Variants in FNBP4 observed in about 807,000 individuals in gnomAD.
The protein encoded by FNBP4 is formin-binding protein 4.
FNBP4 carries 34 observed loss-of-function variants against 119.3 expected under a neutral mutation model. The ratio of observed to expected loss-of-function variants is 0.28; its 90% CI spans 0.22 to 0.38. FNBP4 has a LOEUF of 0.38. FNBP4 is among the 10% of genes least tolerant of loss of function. The probability of loss-of-function intolerance (pLI) is 1.00; values close to 1 mark genes in which losing one functional copy is unlikely to be tolerated. For missense variants in FNBP4, 1,112 were observed against 1,228.9 expected (o/e 0.90, Z 1.42); for synonymous variants, 462 against 430.6 (o/e 1.07, Z -0.90).
chr11:47,729,151 C>G (rs2097564626), intron 12 of FNBP4: 1 of 985,016 alleles, frequency 1.0e-6, no homozygotes, highest in South Asian at 4.7e-5. Context: ...TGCACCCGGC[C>G]TAGGCATCTT....
At chr11:47,739,584 CACAGTATTATTT>C (rs1347670768) in intron 8 of FNBP4, among the ~76,000 whole-genome samples, 3 of 152,206 alleles carry the variant, frequency 2.0e-5, no homozygotes, top group Admixed American at 6.5e-5. Context: ...AGGATGTTAC[CACAGTATTATTT>C]ATTGTGAAAC....
chr11:47,745,727 G>C (rs889204150), intron 7 of FNBP4, among the ~76,000 whole-genome samples: 1 of 152,034 alleles, frequency 6.6e-6, no homozygotes, highest in Non-Finnish European at 1.5e-5. Context: ...TAGTCCTACC[G>C]ATATGTGATG....
Position 47,746,334 on chromosome 11 carries a change from C to G in FNBP4, c.967G>C (p.Ala323Pro), listed in dbSNP as rs976653535. Residue 323 changes from alanine to proline, a missense_variant, in exon 7 of 17, where the codon GCA becomes CCA. Ala to Pro is a conservative substitution (Grantham distance 27, BLOSUM62 -1). Around this residue, in one of 2 missense-constraint regions of FNBP4, gnomAD observed 826 missense variants for 988.8 expected, o/e 0.84. Coordinates refer to ENST00000263773, the MANE Select transcript of FNBP4 (RefSeq NM_015308.5). ...GGCAATAAAGGAGCAAGCAGCGATG[C>G]TGCCACCCCTTTCTTCTCCTCCTCA... ...NSEEEKKGVA[A>P]SLLAPLLPEG... is the part of the protein sequence containing the mutation. 1 of 1,613,810 alleles carries G rather than the reference C, an allele frequency of 6.2e-7. No homozygotes were observed. Among genetic ancestry groups the G allele is most frequent in the Admixed American group, 1.7e-5 (1 of 59,952 alleles).
chr11:47,747,289 C>CT (rs1182894194), intron 6 of FNBP4, among the ~76,000 whole-genome samples: 2 of 152,206 alleles, frequency 1.3e-5, no homozygotes, highest in African/African-American at 4.8e-5. Context: ...ACTGCAACGT[C>CT]TGCCTCCCGG....
At chr11:47,739,270 C>G (rs1399276908) in intron 8 of FNBP4, among the ~76,000 whole-genome samples, 1 of 152,058 alleles carries the variant, frequency 6.6e-6, no homozygotes, top group Non-Finnish European at 1.5e-5. Context: ...AATATAATAG[C>G]CTGGCTCTCC....
chr11:47,736,880 C>A, intron 8 of FNBP4, 140 bp from the exon 9 acceptor site: 1 of 819,578 alleles, frequency 1.2e-6, no homozygotes, highest in Admixed American at 2.9e-5. Flanking sequence ...TAAAACTCTT[C>A]AAACATGTCA....
At chr11:47,749,778 C>A (rs2097598223) in intron 6 of FNBP4, among the ~76,000 whole-genome samples, 1 of 152,132 alleles carries the variant, frequency 6.6e-6, no homozygotes, top group African/African-American at 2.4e-5. Flanking sequence ...GAAATGCTCA[C>A]TGGAGCATCT....
intron 8 of FNBP4, among the ~76,000 whole-genome samples, chr11:47,741,917 C>G (rs2097582681): frequency 6.6e-6 from 1 of 152,000 alleles, no homozygotes; most frequent in Admixed American, 6.6e-5. Flanking sequence ...ACAAATGCAG[C>G]AATTTTTTTT....
At chr11:47,724,237 CCTT>C (rs1464685024) in intron 13 of FNBP4, 65 bp from the exon 14 acceptor site, 116 of 1,581,132 alleles carry the variant, frequency 7.3e-5, no homozygotes, top group Middle Eastern at 1.7e-4. Context: ...GCTCCCACCT[CCTT>C]TTTTTGAGAC....
At chr11:47,733,183 A>T (rs1357969331) in intron 10 of FNBP4, among the ~76,000 whole-genome samples, 2 of 152,212 alleles carry the variant, frequency 1.3e-5, no homozygotes, top group African/African-American at 4.8e-5. Context: ...ATATTTTAAC[A>T]CTACCAACTC....
At chr11:47,761,901 T>C (rs1480582309) in intron 2 of FNBP4, among the ~76,000 whole-genome samples, 1 of 151,976 alleles carries the variant, frequency 6.6e-6, no homozygotes, top group Non-Finnish European at 1.5e-5. Context: ...TGCAATGGCG[T>C]GATCTTGGCT....
intron 8 of FNBP4, 132 bp from the exon 9 acceptor site, chr11:47,736,872 A>G (rs1440860061): frequency 1.1e-5 from 9 of 849,882 alleles, no homozygotes; most frequent in African/African-American, 3.5e-5. Context: ...TTACTTGTTA[A>G]AACTCTTCAA....
At chr11:47,749,835 C>T (rs139361523) in intron 6 of FNBP4, among the ~76,000 whole-genome samples, 289 of 152,214 alleles carry the variant, frequency 1.9e-3, no homozygotes, top group South Asian at 4.4e-3. Context: ...CTAAGTATAA[C>T]GCAAATATTT....
intron 8 of FNBP4, among the ~76,000 whole-genome samples, chr11:47,740,484 G>C (rs1348444689): frequency 2.0e-5 from 3 of 151,346 alleles, no homozygotes; most frequent in Non-Finnish European, 4.4e-5. Context: ...GTCTTCCCAG[G>C]TTTCTCTGCC....
At chr11:47,717,558 C>A (rs1465222279) in intron 16 of FNBP4, 46 bp from the exon 17 acceptor site, 1 of 1,311,264 alleles carries the variant, frequency 7.6e-7, no homozygotes, top group East Asian at 2.3e-5. Flanking sequence ...GAAAAATTAA[C>A]AAAAGTATTC....
intron 16 of FNBP4, 138 bp from the exon 17 acceptor site, chr11:47,717,650 G>A (rs1051795752): frequency 4.5e-6 from 3 of 667,264 alleles, no homozygotes; most frequent in Non-Finnish European, 7.6e-6. Context: ...TTGTTTCTCA[G>A]CCAAACATCA....
chr11:47,741,656 A>C (rs2097582148), intron 8 of FNBP4, among the ~76,000 whole-genome samples: 1 of 151,634 alleles, frequency 6.6e-6, no homozygotes, highest in Non-Finnish European at 1.5e-5. Context: ...TCTCTACTAA[A>C]AATACAAAAA....
At chr11:47,762,423 C>T (rs146957878) in intron 2 of FNBP4, among the ~76,000 whole-genome samples, 288 of 152,026 alleles carry the variant, frequency 1.9e-3, no homozygotes, top group Middle Eastern at 0.014. Flanking sequence ...CACCGTGCCC[C>T]GCCTATTTTT....
chr11:47,724,961 A>G, intron 12 of FNBP4, 183 bp from the exon 13 acceptor site: 1 of 722,532 alleles, frequency 1.4e-6, no homozygotes, highest in Non-Finnish European at 2.1e-6. Context: ...AATTTGGCCC[A>G]CAGGCATCTA....
Sources: gnomAD v4.1 joint callset for allele counts (sites outside exome capture counted in the v4.1 genomes callset) on GRCh38, gnomAD v4.1.1 for gene constraint, gnomAD v4.1.1 regional missense constraint, MANE v1.5 for transcripts, NCBI Gene and HGNC (gene_info 2026-07-23, HGNC 2026-07-21) for gene names.